Variants in ALX4 observed in about 807,000 individuals in gnomAD.
ALX4 encodes the protein homeobox protein aristaless-like 4.
A neutral mutation model predicts 40.6 loss-of-function variants in ALX4; 22 were observed. That is an observed-to-expected ratio of 0.54 (90% CI 0.39 to 0.77). The LOEUF is 0.77. Among genes scored for constraint, ALX4 ranks in the 30% least tolerant of loss-of-function variants. ALX4 has a pLI of 0.00. For missense variants in ALX4, 556 were observed against 564.8 expected (o/e 0.98, Z 0.16); for synonymous variants, 266 against 240.5 (o/e 1.11, Z -0.98).
At position 44,262,197 on chromosome 11, in the gene ALX4, C is replaced by T. The variant is rs929533398; in HGVS notation, c.*2657G>A. The T allele has an allele frequency of 2.6e-5, 4 of 152,430 alleles. No homozygotes were observed. Among genetic ancestry groups the T allele is most frequent in the Admixed American group, 6.5e-5 (1 of 15,292 alleles). 9.4% of individuals were successfully genotyped at this position (152,430 alleles called of 1,614,324 possible). A position where few individuals can be genotyped will look rare whatever the true frequency, so the allele number is the denominator to read the frequency against. On this transcript the variant is annotated 3_prime_UTR_variant, in exon 4 of 4. Transcript: ENST00000652299. ...GTACAGGTCAGGGCAGTCATGTCTC[C>T]ACTCTGGGCCAGGGTCTTCTCTGTT...
At chr11:44,297,575 G>T (rs898628020) in intron 1 of ALX4, among the ~76,000 whole-genome samples, 1 of 152,078 alleles carries the variant, frequency 6.6e-6, no homozygotes, top group Non-Finnish European at 1.5e-5. Context: ...AAAGTTAACT[G>T]GGCGTGGTGA....
intron 1 of ALX4, among the ~76,000 whole-genome samples, chr11:44,294,454 GGAGA>G (rs945420232): frequency 6.6e-6 from 1 of 152,228 alleles, no homozygotes; most frequent in Non-Finnish European, 1.5e-5. Context: ...CATTCAGCAG[GGAGA>G]GAGTTATTCC....
At chr11:44,305,917 C>T (rs547480469) in intron 1 of ALX4, among the ~76,000 whole-genome samples, 204 of 152,362 alleles carry the variant, frequency 1.3e-3, no homozygotes, top group Non-Finnish European at 2.6e-3. Context: ...TAGACTAGGA[C>T]CAGTACGCGC....
At chr11:44,299,405 G>T (rs1392543534) in intron 1 of ALX4, among the ~76,000 whole-genome samples, 2 of 136,978 alleles carry the variant, frequency 1.5e-5, no homozygotes, top group Non-Finnish European at 3.0e-5. Flanking sequence ...CTGTCACCCA[G>T]GCTGGAGTGC....
intron 1 of ALX4, among the ~76,000 whole-genome samples, chr11:44,300,448 G>T (rs1956428518): frequency 6.6e-6 from 1 of 152,104 alleles, no homozygotes; most frequent in Non-Finnish European, 1.5e-5. Flanking sequence ...GATCCTTGTG[G>T]CCACATAGAG....
Position 44,261,170 on chromosome 11 carries a change from G to A in ALX4, c.*3684C>T, listed in dbSNP as rs1956179854. The A allele has an allele frequency of 6.6e-6, 1 of 152,206 alleles. No individual in the cohort carries two copies. Among genetic ancestry groups the A allele is most frequent in the Non-Finnish European group, 1.5e-5 (1 of 68,054 alleles). 9.4% of individuals were successfully genotyped at this position (152,206 alleles called of 1,614,324 possible). A position where few individuals can be genotyped will look rare whatever the true frequency, so the allele number is the denominator to read the frequency against. On this transcript the variant is annotated 3_prime_UTR_variant, in exon 4 of 4. Transcript: ENST00000652299. ...CATCCTCCCCCAGCTAGGCCTGTTT[G>A]CCTTTGCACTGGACAGTAAGGGCCA...
In ALX4 at chr11:44,309,740, T is replaced by TGCG; in HGVS notation, c.320_322dup (p.Pro107dup). On this transcript the variant is annotated inframe_insertion, in exon 1 of 4. Coordinates refer to ENST00000652299, the MANE Select transcript of ALX4 (RefSeq NM_021926.4). ...CGGCTGGGGCTGCGGCTGCTGCTGCTGCGGCTGCGGCTGCGGCGGCGGCTG... is the reference window on the plus strand; with the variant it reads ...CGGCTGGGGCTGCGGCTGCTGCTGCTGCGGCGGCTGCGGCTGCGGCGGCGGCTG... 6.5e-7 allele frequency: 1 copy of TGCG among 1,535,092 alleles called. No individual in the cohort carries two copies.
chr11:44,264,755 C>T lies in ALX4; in HGVS notation c.*99G>A, dbSNP rs1231384559. The stretch of plus-strand genomic sequence containing the variant: ...TGAGGGTCAGGCCCCTGGCCCAGGC[C>T]AGGTTCCTAAGAGGAAAGTCGAGTG... On this transcript the variant is annotated 3_prime_UTR_variant, in exon 4 of 4. Transcript: ENST00000652299. 3.6e-6 allele frequency: 5 copies of T among 1,397,534 alleles called. No individual in the cohort carries two copies. Among genetic ancestry groups the T allele is most frequent in the Non-Finnish European group, 4.9e-6 (5 of 1,021,388 alleles). The allele number at this position is 1,397,534 out of a possible 1,614,324, so 86.6% of individuals were successfully genotyped here.
Position 44,309,728 on chromosome 11 carries a change from G to GGCT in ALX4, c.332_334dup (p.Gln111dup), listed in dbSNP as rs780001000. On this transcript the variant is annotated inframe_insertion, in exon 1 of 4. Transcript: ENST00000652299. ...CGGTTGCGCGGGCGGCTGGGGCTGC[G>GGCT]GCTGCTGCTGCTGCGGCTGCGGCTG... 4 of 1,559,126 alleles carry GGCT rather than the reference G, an allele frequency of 2.6e-6. No homozygotes were observed. Among genetic ancestry groups the GGCT allele is most frequent in the Admixed American group, 1.9e-5 (1 of 53,436 alleles).
intron 1 of ALX4, among the ~76,000 whole-genome samples, chr11:44,308,288 A>G (rs10769038): frequency 0.44 from 66,278 of 152,126 alleles, 14,809 homozygotes; most frequent in Admixed American, 0.52. Flanking sequence ...GCGCCTGTGA[A>G]AGAAGGAACC....
chr11:44,269,205 T>A (rs1448780938), intron 2 of ALX4, among the ~76,000 whole-genome samples: 1 of 152,210 alleles, frequency 6.6e-6, no homozygotes, highest in African/African-American at 2.4e-5. Context: ...AGCTGGCCAA[T>A]GGACAGGCTC....
intron 1 of ALX4, among the ~76,000 whole-genome samples, chr11:44,280,263 G>A (rs2863056): frequency 0.82 from 124,820 of 152,176 alleles, 52,490 homozygotes; most frequent in Non-Finnish European, 0.92. Flanking sequence ...GGCTTCATAG[G>A]GGCGGCTCCA....
At chr11:44,282,969 C>A (rs1039112246) in intron 1 of ALX4, among the ~76,000 whole-genome samples, 1 of 152,076 alleles carries the variant, frequency 6.6e-6, no homozygotes, top group Non-Finnish European at 1.5e-5. Flanking sequence ...TACAGCTGGG[C>A]GTGGTGGCTT....
intron 1 of ALX4, among the ~76,000 whole-genome samples, chr11:44,288,632 A>T (rs1415612965): frequency 6.6e-6 from 1 of 152,144 alleles, no homozygotes; most frequent in Non-Finnish European, 1.5e-5. Flanking sequence ...CTCTGGGAGC[A>T]CACATTGCTC....
intron 1 of ALX4, among the ~76,000 whole-genome samples, chr11:44,301,926 A>G (rs964310447): frequency 1.3e-5 from 2 of 152,110 alleles, no homozygotes; most frequent in African/African-American, 4.8e-5. Context: ...GCCTCGCCGC[A>G]GTGTGGGTGG....
chr11:44,303,436 T>G (rs1278045942), intron 1 of ALX4, among the ~76,000 whole-genome samples: 1 of 151,614 alleles, frequency 6.6e-6, no homozygotes, highest in African/African-American at 2.4e-5. Context: ...CGCCCGTATC[T>G]CCCAGTGACC....
intron 1 of ALX4, among the ~76,000 whole-genome samples, chr11:44,303,926 T>C (rs1161014965): frequency 2.6e-5 from 4 of 151,958 alleles, no homozygotes; most frequent in Admixed American, 2.0e-4. Flanking sequence ...GTGTCCCCGG[T>C]TTATACATCT....
chr11:44,286,123 G>T (rs1423308313), intron 1 of ALX4, among the ~76,000 whole-genome samples: 1 of 152,154 alleles, frequency 6.6e-6, no homozygotes, highest in Non-Finnish European at 1.5e-5. Context: ...GGAGGTCCTT[G>T]GTCCCCTGCA....
chr11:44,291,378 A>T (rs1396310866), intron 1 of ALX4, among the ~76,000 whole-genome samples: 1 of 150,912 alleles, frequency 6.6e-6, no homozygotes, highest in Non-Finnish European at 1.5e-5. Context: ...TGCTGAATTG[A>T]GCTAATCTTA....
Sources: allele counts gnomAD v4.1 joint callset (sites outside exome capture counted in the v4.1 genomes callset), GRCh38; gene constraint gnomAD v4.1.1; transcripts MANE v1.5; gene names NCBI Gene and HGNC (gene_info 2026-07-23, HGNC 2026-07-21).